SGCZ: variants seen among roughly 807,000 people sequenced by gnomAD.
The protein encoded by SGCZ is zeta-sarcoglycan.
A neutral mutation model predicts 41.3 loss-of-function variants in SGCZ; 40 were observed. That is an observed-to-expected ratio of 0.97 (90% confidence interval 0.75 to 1.26). The LOEUF is 1.26. Ranked by LOEUF, SGCZ falls within the 50% of genes most tolerant of loss-of-function variation. The probability of loss-of-function intolerance (pLI) is 0.00; values close to 1 mark genes in which losing one functional copy is unlikely to be tolerated. For synonymous variants in SGCZ, 206 were observed against 137.5 expected (o/e 1.50, Z -3.49); for missense variants, 552 against 369.8 (o/e 1.49, Z -4.04).
chr8:14,766,727 ATTTTT>A (rs33955290), intron 1 of SGCZ, among the ~76,000 whole-genome samples: 36 of 92,780 alleles, frequency 3.9e-4, no homozygotes, highest in African/African-American at 1.5e-3. Flanking sequence ...ATGTCCAGCT[ATTTTT>A]TTTTTTTTTT....
chr8:14,600,143 T>A (rs745976246), intron 1 of SGCZ, among the ~76,000 whole-genome samples: 9 of 152,110 alleles, frequency 5.9e-5, no homozygotes, highest in Non-Finnish European at 8.8e-5. Context: ...TCTTCCATGG[T>A]TTCTTTACTT....
intron 1 of SGCZ, among the ~76,000 whole-genome samples, chr8:14,752,652 C>A (rs998898466): frequency 1.1e-4 from 17 of 152,030 alleles, no homozygotes; most frequent in African/African-American, 4.1e-4. Context: ...AATAAATGAA[C>A]TAGTAAAATG....
chr8:15,203,687 G>A (rs1382985195), intron 1 of SGCZ, among the ~76,000 whole-genome samples: 1 of 152,090 alleles, frequency 6.6e-6, no homozygotes, highest in Admixed American at 6.6e-5. Context: ...TAAATGAATG[G>A]CCAAGACCTC....
At chr8:14,092,584 CA>C (rs1801721377) in intron 7 of SGCZ, among the ~76,000 whole-genome samples, 1 of 151,984 alleles carries the variant, frequency 6.6e-6, no homozygotes, top group African/African-American at 2.4e-5. Flanking sequence ...ATAGTTAAAT[CA>C]TGGGGGCAGT....
At chr8:14,864,784 C>T (rs1803869234) in intron 1 of SGCZ, among the ~76,000 whole-genome samples, 3 of 151,992 alleles carry the variant, frequency 2.0e-5, no homozygotes, top group Admixed American at 6.6e-5. Flanking sequence ...TTTGTATTCC[C>T]ACCAACAGTA....
intron 1 of SGCZ, among the ~76,000 whole-genome samples, chr8:14,560,873 A>C (rs1343470471): frequency 3.8e-5 from 4 of 104,814 alleles, no homozygotes; most frequent in African/African-American, 1.4e-4. Context: ...ACAAAACACA[A>C]AAAAAAGTTA....
At chr8:14,212,285 C>T (rs765868203) in intron 4 of SGCZ, among the ~76,000 whole-genome samples, 22 of 151,974 alleles carry the variant, frequency 1.4e-4, no homozygotes, top group Non-Finnish European at 2.4e-4. Flanking sequence ...AGTGAAAAAC[C>T]TACCAGGGGA....
chr8:14,629,688 G>C (rs1210192021), intron 1 of SGCZ, among the ~76,000 whole-genome samples: 1 of 151,386 alleles, frequency 6.6e-6, no homozygotes, highest in African/African-American at 2.4e-5. Flanking sequence ...TCTATGGAAT[G>C]CTTTCAATGG....
chr8:14,467,705 C>T (rs879847550), intron 2 of SGCZ, among the ~76,000 whole-genome samples: 3 of 152,042 alleles, frequency 2.0e-5, no homozygotes, highest in Admixed American at 6.6e-5. Context: ...GGCATATTTT[C>T]GGTCCTTCCT....
intron 2 of SGCZ, among the ~76,000 whole-genome samples, chr8:14,416,367 T>A (rs1212870162): frequency 6.6e-6 from 1 of 151,904 alleles, no homozygotes; most frequent in Non-Finnish European, 1.5e-5. Flanking sequence ...TGTAGAAATT[T>A]TATATTTTTA....
chr8:14,302,831 C>A (rs1801241103), intron 3 of SGCZ, among the ~76,000 whole-genome samples: 1 of 152,168 alleles, frequency 6.6e-6, no homozygotes, highest in Non-Finnish European at 1.5e-5. Flanking sequence ...ATCCTAAATA[C>A]AATTCTGATG....
At chr8:14,129,044 C>T (rs914890403) in intron 5 of SGCZ, among the ~76,000 whole-genome samples, 1 of 151,838 alleles carries the variant, frequency 6.6e-6, no homozygotes, top group Admixed American at 6.6e-5. Context: ...GCAACACAGT[C>T]ATGTAAAAAA....
chr8:14,679,805 C>T (rs564877210), intron 1 of SGCZ, among the ~76,000 whole-genome samples: 1 of 152,160 alleles, frequency 6.6e-6, no homozygotes, highest in South Asian at 2.1e-4. Flanking sequence ...ACTTCTAGAC[C>T]TGCAAGCTCC....
chr8:14,931,191 T>A (rs1585389122), intron 1 of SGCZ, among the ~76,000 whole-genome samples: 1 of 152,142 alleles, frequency 6.6e-6, no homozygotes, highest in East Asian at 1.9e-4. Flanking sequence ...GCTGGATTCT[T>A]GATTACATAA....
intron 3 of SGCZ, among the ~76,000 whole-genome samples, chr8:14,280,849 T>C (rs1395697920): frequency 6.6e-6 from 1 of 151,642 alleles, no homozygotes; most frequent in Non-Finnish European, 1.5e-5. Context: ...TTCACTGGCC[T>C]ACTCTCTTAC....
At chr8:15,145,291 C>G (rs983240663) in intron 1 of SGCZ, among the ~76,000 whole-genome samples, 2 of 152,172 alleles carry the variant, frequency 1.3e-5, no homozygotes, top group Non-Finnish European at 2.9e-5. Context: ...GTCACCAAAA[C>G]TAAAATATTA....
At chr8:14,337,722 G>C (rs1205645240) in intron 2 of SGCZ, among the ~76,000 whole-genome samples, 2 of 152,142 alleles carry the variant, frequency 1.3e-5, no homozygotes, top group African/African-American at 2.4e-5. Context: ...CAATTATCAA[G>C]GCCATTAAAA....
chr8:14,860,195 T>G (rs866085641), intron 1 of SGCZ, among the ~76,000 whole-genome samples: 5 of 151,914 alleles, frequency 3.3e-5, no homozygotes, highest in African/African-American at 4.8e-5. Context: ...TCTTTTTTTT[T>G]GTCTTTTTTT....
At chr8:15,112,923 A>C (rs9650386) in intron 1 of SGCZ, among the ~76,000 whole-genome samples, 3,985 of 152,272 alleles carry the variant, frequency 0.026, 96 homozygotes, top group South Asian at 0.074. Context: ...GTAGTTTATT[A>C]AGTAGTAAAG....
Sources: allele counts gnomAD v4.1 joint callset (sites outside exome capture counted in the v4.1 genomes callset), GRCh38; gene constraint gnomAD v4.1.1; transcripts MANE v1.5; gene names NCBI Gene and HGNC (gene_info 2026-07-23, HGNC 2026-07-21).